The following CRADD variants were observed in gnomAD, a reference collection of about 807,000 sequenced individuals.
CRADD encodes the protein CARD and death domain containing adaptor protein.
In CRADD, 9 loss-of-function variants were observed where a neutral mutation model predicts 15.5. The ratio of observed to expected loss-of-function variants is 0.58; its 90% confidence interval spans 0.35 to 1.01. CRADD has a LOEUF of 1.01. Ranked by LOEUF, CRADD falls within the 50% of genes least tolerant of loss-of-function variation. The probability of loss-of-function intolerance (pLI) is 0.02; values close to 1 mark genes in which losing one functional copy is unlikely to be tolerated. For missense variants in CRADD, 227 were observed against 250.3 expected, an observed-to-expected ratio of 0.91 and a Z score of 0.63; for synonymous variants, 118 against 107.6, an observed-to-expected ratio of 1.10 and a Z score of -0.60.
intron 2 of CRADD, among the ~76,000 whole-genome samples, chr12:93,732,035 C>T (rs1325820319): frequency 6.6e-6 from 1 of 151,730 alleles, no homozygotes; most frequent in Non-Finnish European, 1.5e-5. Context: ...ACTTGGGAGG[C>T]TGAGGCAGGA....
At chr12:93,752,709 C>T (rs1377043304) in intron 2 of CRADD, among the ~76,000 whole-genome samples, 2 of 152,140 alleles carry the variant, frequency 1.3e-5, no homozygotes, top group Non-Finnish European at 2.9e-5. Flanking sequence ...ATTTAATGGA[C>T]TCACAGTTCC....
intron 2 of CRADD, among the ~76,000 whole-genome samples, chr12:93,814,663 C>G (rs570468930): frequency 6.6e-6 from 1 of 152,178 alleles, no homozygotes; most frequent in Non-Finnish European, 1.5e-5. Context: ...CTGGCAGTCA[C>G]GAGGCCTGCA....
At chr12:93,779,878 C>T (rs546505204) in intron 2 of CRADD, among the ~76,000 whole-genome samples, 8 of 152,266 alleles carry the variant, frequency 5.3e-5, no homozygotes, top group African/African-American at 1.7e-4. Context: ...CATGAGCCAC[C>T]GCGCCTGGCC....
intron 2 of CRADD, among the ~76,000 whole-genome samples, chr12:93,811,102 C>G (rs1259746852): frequency 6.6e-6 from 1 of 152,116 alleles, no homozygotes; most frequent in East Asian, 1.9e-4. Context: ...TTGAAAGAAG[C>G]CCTGAATTCT....
intron 2 of CRADD, chr12:93,849,160 T>TTTA (rs1958176629): frequency 6.6e-6 from 1 of 152,274 alleles, no homozygotes; most frequent in Non-Finnish European, 1.5e-5. Context: ...CTCTAGCACG[T>TTTA]GCCTTTCCTG....
chr12:93,878,606 A>G (rs1373549190), intron 2 of CRADD, among the ~76,000 whole-genome samples: 1 of 151,602 alleles, frequency 6.6e-6, no homozygotes, highest in Non-Finnish European at 1.5e-5. Flanking sequence ...TTTTAAGTTT[A>G]TTTAGAAACA....
chr12:93,711,055 C>CCCCCTCTTTTTTTT, intron 2 of CRADD, among the ~76,000 whole-genome samples: 1 of 43,508 alleles, frequency 2.3e-5, no homozygotes, highest in Admixed American at 2.6e-4. Context: ...CCACCCCCGC[C>CCCCCTCTTTTTTTT]TTTTTTTTTT....
At chr12:93,873,550 C>T (rs1384437776) in intron 2 of CRADD, among the ~76,000 whole-genome samples, 2 of 152,016 alleles carry the variant, frequency 1.3e-5, no homozygotes, top group Admixed American at 6.6e-5. Context: ...GTGGGTGTTT[C>T]ATATCTGACT....
intron 2 of CRADD, among the ~76,000 whole-genome samples, chr12:93,833,035 A>T (rs995274638): frequency 5.3e-5 from 8 of 152,336 alleles, no homozygotes; most frequent in African/African-American, 1.9e-4. Flanking sequence ...ATTTAGAAAT[A>T]TTAGAAGCAG....
intron 2 of CRADD, among the ~76,000 whole-genome samples, chr12:93,890,751 TTTTC>T (rs1193985628): frequency 2.7e-5 from 4 of 147,248 alleles, no homozygotes; most frequent in African/African-American, 7.4e-5. Context: ...GTTGCTTGTT[TTTTC>T]TTTCTTTCTT....
chr12:93,679,185 A>C (rs534823406), intron 2 of CRADD, 113 bp downstream of exon 2: 10 of 827,088 alleles, frequency 1.2e-5, no homozygotes, highest in Non-Finnish European at 1.9e-5. Flanking sequence ...TCTGTTGCCC[A>C]GGCTGGAGTG....
intron 2 of CRADD, among the ~76,000 whole-genome samples, chr12:93,818,291 A>T (rs1467750470): frequency 6.6e-6 from 1 of 152,224 alleles, no homozygotes; most frequent in East Asian, 1.9e-4. Context: ...TGAAAATCTA[A>T]GTATTTATAT....
At chr12:93,805,745 A>AGT (rs1957529764) in intron 2 of CRADD, among the ~76,000 whole-genome samples, 1 of 152,274 alleles carries the variant, frequency 6.6e-6, no homozygotes, top group African/African-American at 2.4e-5. Flanking sequence ...CCTGCTGCTT[A>AGT]GTGCCCAGAC....
intron 2 of CRADD, among the ~76,000 whole-genome samples, chr12:93,888,748 G>T (rs1377328770): frequency 1.3e-5 from 2 of 152,150 alleles, no homozygotes; most frequent in Non-Finnish European, 2.9e-5. Flanking sequence ...ATCCATTAGA[G>T]CTGGAGAGAA....
At chr12:93,827,735 T>C (rs889408676) in intron 2 of CRADD, among the ~76,000 whole-genome samples, 21 of 152,250 alleles carry the variant, frequency 1.4e-4, no homozygotes, top group African/African-American at 5.1e-4. Context: ...GTCTTCTTTA[T>C]TTTAACCAAT....
intron 2 of CRADD, among the ~76,000 whole-genome samples, chr12:93,747,733 T>C (rs997262656): frequency 6.6e-6 from 1 of 152,222 alleles, no homozygotes; most frequent in African/African-American, 2.4e-5. Flanking sequence ...TCCAAGGTGC[T>C]AGGATTACAG....
At chr12:93,815,305 A>G (rs996700905) in intron 2 of CRADD, 1 of 152,228 alleles carries the variant, frequency 6.6e-6, no homozygotes, top group African/African-American at 2.4e-5. Flanking sequence ...ATAATCTCCA[A>G]AAAATCAAAT....
At chr12:93,743,040 T>C (rs1446980277) in intron 2 of CRADD, among the ~76,000 whole-genome samples, 2 of 152,236 alleles carry the variant, frequency 1.3e-5, no homozygotes, top group East Asian at 3.8e-4. Flanking sequence ...TATTTCTGTT[T>C]AGGAACTTGT....
chr12:93,677,709 T>A (rs1955192263), intron 1 of CRADD: 1 of 152,290 alleles, frequency 6.6e-6, no homozygotes, highest in Admixed American at 6.5e-5. Flanking sequence ...AGTCTTCCTG[T>A]TTGATACAAG....
Sources: allele counts gnomAD v4.1 joint callset (sites outside exome capture counted in the v4.1 genomes callset), GRCh38; gene constraint gnomAD v4.1.1; transcripts MANE v1.5; gene names NCBI Gene and HGNC (gene_info 2026-07-23, HGNC 2026-07-21).